Variants in B4GALT6 observed in about 807,000 individuals in gnomAD.
B4GALT6 encodes the protein UDP-Gal:beta-GlcNAc beta-1,4-galactosyltransferase 6.
Under a neutral mutation model 46.3 loss-of-function variants are expected in B4GALT6, and 14 were observed. The ratio of observed to expected loss-of-function variants is 0.30; its 90% CI spans 0.20 to 0.47. B4GALT6 has a LOEUF of 0.47. B4GALT6 is among the 20% of genes least tolerant of loss of function. B4GALT6 has a pLI of 0.99. For missense variants in B4GALT6, 386 were observed against 480.1 expected, an observed-to-expected ratio of 0.80 and a Z score of 1.83; for synonymous variants, 168 against 162.0, an observed-to-expected ratio of 1.04 and a Z score of -0.28.
the B4GALT6 span, among the ~76,000 whole-genome samples, chr18:31,714,914 T>C: frequency 6.6e-6 from 1 of 152,182 alleles, no homozygotes; most frequent in Admixed American, 6.5e-5. Context: ...CTCATGAGGA[T>C]CACCTCCATA....
At chr18:31,663,131 C>A (rs1386156200) in intron 2 of B4GALT6, among the ~76,000 whole-genome samples, 1 of 152,154 alleles carries the variant, frequency 6.6e-6, no homozygotes, top group African/African-American at 2.4e-5. Flanking sequence ...CAGATGGATC[C>A]CCTACTAATT....
chr18:31,627,743 C>T (rs937366987), intron 6 of B4GALT6, among the ~76,000 whole-genome samples: 1 of 152,160 alleles, frequency 6.6e-6, no homozygotes, highest in African/African-American at 2.4e-5. Flanking sequence ...CCTTTCCTAA[C>T]TCATACTCCA....
the B4GALT6 span, among the ~76,000 whole-genome samples, chr18:31,703,705 C>T: frequency 1.2e-3 from 182 of 152,276 alleles, no homozygotes; most frequent in African/African-American, 4.2e-3. Context: ...ATAGCTGATG[C>T]TTTGAGCATG....
intron 5 of B4GALT6, 152 bp from the exon 6 acceptor site, chr18:31,631,298 C>T (rs1245667443): frequency 2.5e-6 from 2 of 788,592 alleles, no homozygotes; most frequent in Admixed American, 7.1e-5. Context: ...GTGATCCACC[C>T]ACCTCAGCCT....
chr18:31,624,885 T>C lies in B4GALT6; in HGVS notation c.*729A>G, dbSNP rs1346523149. 1 of 152,628 alleles carries C rather than the reference T, an allele frequency of 6.6e-6. No homozygotes were observed. The highest frequency in any genetic ancestry group is 1.5e-5 in the Non-Finnish European group (1 of 68,028). 9.5% of individuals were successfully genotyped at this position (152,628 alleles called of 1,614,324 possible). A position where few individuals can be genotyped will look rare whatever the true frequency, so the allele number is the denominator to read the frequency against. On this transcript the variant is annotated 3_prime_UTR_variant, in exon 9 of 9. Coordinates refer to ENST00000306851, the MANE Select transcript of B4GALT6 (RefSeq NM_004775.5). ...CTTGGTAATACTCATGCAATATGCA[T>C]AAACAATATGGTTGTGATTTCTAGC...
intron 1 of B4GALT6, among the ~76,000 whole-genome samples, chr18:31,680,865 C>T (rs1207459371): frequency 1.3e-5 from 2 of 152,208 alleles, no homozygotes; most frequent in East Asian, 1.9e-4. Context: ...AAGCCCTAAG[C>T]AGTAGCTGGA....
intron 1 of B4GALT6, among the ~76,000 whole-genome samples, chr18:31,676,594 G>T (rs1411698611): frequency 6.6e-6 from 1 of 152,130 alleles, no homozygotes; most frequent in Non-Finnish European, 1.5e-5. Context: ...TGAAGGAAAA[G>T]ATTCTTCACC....
At chr18:31,716,715 G>T in the B4GALT6 span, among the ~76,000 whole-genome samples, 1 of 152,160 alleles carries the variant, frequency 6.6e-6, no homozygotes, top group Admixed American at 6.5e-5. Context: ...TTGCTGTTGA[G>T]AGCAATCTCT....
the B4GALT6 span, among the ~76,000 whole-genome samples, chr18:31,708,434 G>A: frequency 7.9e-5 from 12 of 151,994 alleles, no homozygotes; most frequent in Non-Finnish European, 1.3e-4. Flanking sequence ...GTGTGGTGGC[G>A]GACGCCTCTA....
upstream of B4GALT6, among the ~76,000 whole-genome samples, chr18:31,685,022 G>A (rs1413509778): frequency 6.2e-5 from 9 of 146,042 alleles, no homozygotes; most frequent in African/African-American, 2.0e-4. Flanking sequence ...CGCCACGCGC[G>A]GGGGCCCGCG....
the B4GALT6 span, among the ~76,000 whole-genome samples, chr18:31,709,226 A>T: frequency 2.6e-5 from 4 of 151,396 alleles, no homozygotes; most frequent in Non-Finnish European, 5.9e-5. Context: ...ATTCAAATTT[A>T]TGTATTTTTT....
At chr18:31,645,286 G>T in intron 4 of B4GALT6, 69 bp downstream of exon 4, 1 of 1,584,410 alleles carries the variant, frequency 6.3e-7, no homozygotes, top group South Asian at 1.2e-5. Flanking sequence ...TCTGTATTCT[G>T]AATCAAGCAC....
intron 5 of B4GALT6, among the ~76,000 whole-genome samples, chr18:31,636,548 C>T (rs986542332): frequency 3.3e-5 from 5 of 152,100 alleles, no homozygotes; most frequent in Non-Finnish European, 7.4e-5. Flanking sequence ...AAGATACTAC[C>T]ACAGACCCAC....
chr18:31,699,479 G>T, the B4GALT6 span, among the ~76,000 whole-genome samples: 470 of 151,630 alleles, frequency 3.1e-3, 2 homozygotes, highest in African/African-American at 0.011. Context: ...TCACCATGTT[G>T]GCTAGGCTGG....
chr18:31,712,528 C>G, the B4GALT6 span, among the ~76,000 whole-genome samples: 2 of 152,004 alleles, frequency 1.3e-5, no homozygotes, highest in East Asian at 3.9e-4. Flanking sequence ...GTCTCGAACT[C>G]CTGACCTCAA....
the B4GALT6 span, among the ~76,000 whole-genome samples, chr18:31,697,062 G>A: frequency 5.9e-5 from 9 of 152,168 alleles, no homozygotes; most frequent in Admixed American, 1.3e-4. Context: ...CTTGACGCCA[G>A]GAGTTAGAGA....
At chr18:31,637,013 G>A (rs1328013363) in intron 5 of B4GALT6, among the ~76,000 whole-genome samples, 2 of 151,952 alleles carry the variant, frequency 1.3e-5, no homozygotes, top group African/African-American at 4.8e-5. Flanking sequence ...TAGAGACGAG[G>A]TTTCACCATC....
chr18:31,624,133 T>G lies in B4GALT6; in HGVS notation c.*1481A>C, dbSNP rs1336829956. ...ACTTGATATCAGGTAGTAAGACCTTTTTTCAGAGAACAGTCATATGAAGAT... is the reference window on the plus strand; with the variant it reads ...ACTTGATATCAGGTAGTAAGACCTTGTTTCAGAGAACAGTCATATGAAGAT... On this transcript the variant is annotated 3_prime_UTR_variant, in exon 9 of 9. Coordinates refer to ENST00000306851, the MANE Select transcript of B4GALT6 (RefSeq NM_004775.5). 6.6e-6 allele frequency: 1 copy of G among 152,014 alleles called. No homozygotes were observed. The highest frequency in any genetic ancestry group is 1.5e-5 in the Non-Finnish European group (1 of 67,878). 9.4% of individuals were successfully genotyped at this position (152,014 alleles called of 1,614,324 possible). A position where few individuals can be genotyped will look rare whatever the true frequency, so the allele number is the denominator to read the frequency against.
intron 1 of B4GALT6, among the ~76,000 whole-genome samples, chr18:31,683,095 C>A (rs939874962): frequency 1.4e-4 from 22 of 152,196 alleles, no homozygotes; most frequent in African/African-American, 5.3e-4. Context: ...TAAACATCAT[C>A]ATCTGAGTTT....
Sources: allele counts gnomAD v4.1 joint callset (sites outside exome capture counted in the v4.1 genomes callset), GRCh38; gene constraint gnomAD v4.1.1; transcripts MANE v1.5; gene names NCBI Gene and HGNC (gene_info 2026-07-23, HGNC 2026-07-21).